ENTREP2: variants seen among roughly 807,000 people sequenced by gnomAD.
The protein encoded by ENTREP2 is endosomal transmembrane epsin interactor 2, also known as protein ENTREP2.
the ENTREP2 span, among the ~76,000 whole-genome samples, chr15:29,645,942 T>C: frequency 3.3e-5 from 5 of 152,120 alleles, no homozygotes; most frequent in Admixed American, 2.0e-4. Flanking sequence ...GAATAAGACA[T>C]GATTTATTTC....
chr15:29,599,699 C>A, the ENTREP2 span, among the ~76,000 whole-genome samples: 1 of 152,208 alleles, frequency 6.6e-6, no homozygotes, highest in Non-Finnish European at 1.5e-5. Context: ...TACAAACTGG[C>A]AGCCAGATCA....
chr15:29,447,921 C>G, the ENTREP2 span, among the ~76,000 whole-genome samples: 1 of 151,954 alleles, frequency 6.6e-6, no homozygotes. Flanking sequence ...AAAAAATTAG[C>G]TGGGCGTGGT....
chr15:29,460,354 G>T, the ENTREP2 span, among the ~76,000 whole-genome samples: 2 of 152,272 alleles, frequency 1.3e-5, no homozygotes, highest in Middle Eastern at 6.8e-3. Context: ...TGTCTGCCTG[G>T]GTGCGGTGGC....
At chr15:29,286,641 C>T in the ENTREP2 span, among the ~76,000 whole-genome samples, 2 of 152,306 alleles carry the variant, frequency 1.3e-5, no homozygotes, top group Non-Finnish European at 2.9e-5. Flanking sequence ...CCTCTGGCCA[C>T]GGTCCCCACT....
chr15:29,583,078 A>ATT, the ENTREP2 span, among the ~76,000 whole-genome samples: 1 of 152,248 alleles, frequency 6.6e-6, no homozygotes, highest in Non-Finnish European at 1.5e-5. Flanking sequence ...AAAAGAAGAT[A>ATT]TTTTGGGGGA....
chr15:29,254,213 G>GCACACT, the ENTREP2 span, among the ~76,000 whole-genome samples: 3 of 130,424 alleles, frequency 2.3e-5, no homozygotes, highest in Non-Finnish European at 4.8e-5. Flanking sequence ...TCTGTCTAAT[G>GCACACT]CACACTTCAG....
At chr15:29,388,536 A>G in the ENTREP2 span, among the ~76,000 whole-genome samples, 1 of 152,214 alleles carries the variant, frequency 6.6e-6, no homozygotes, top group Admixed American at 6.5e-5. Flanking sequence ...AACTAGTTCA[A>G]CCATTGTGGA....
At chr15:29,358,085 C>T in the ENTREP2 span, among the ~76,000 whole-genome samples, 81 of 152,204 alleles carry the variant, frequency 5.3e-4, no homozygotes, top group Middle Eastern at 3.4e-3. Flanking sequence ...AAGTGAGTGC[C>T]CTGGAGGAAC....
the ENTREP2 span, among the ~76,000 whole-genome samples, chr15:29,436,053 A>G: frequency 6.6e-6 from 1 of 152,190 alleles, no homozygotes. Context: ...CAGGTGTACA[A>G]GGAATGATCC....
the ENTREP2 span, chr15:29,269,792 C>T: frequency 8.0e-7 from 1 of 1,257,300 alleles, no homozygotes. Flanking sequence ...AACGCCGGTG[C>T]CTGGAGGCGC....
chr15:29,443,250 T>TA, the ENTREP2 span, among the ~76,000 whole-genome samples: 7 of 152,164 alleles, frequency 4.6e-5, no homozygotes, highest in African/African-American at 1.7e-4. Flanking sequence ...GGAGGGGCCC[T>TA]ACAGCACCAC....
At chr15:29,566,527 G>A in the ENTREP2 span, among the ~76,000 whole-genome samples, 1 of 150,202 alleles carries the variant, frequency 6.7e-6, no homozygotes, top group Non-Finnish European at 1.5e-5. Flanking sequence ...AGTGATCTTG[G>A]CTCACTGCAA....
At chr15:29,515,886 C>T in the ENTREP2 span, among the ~76,000 whole-genome samples, 1 of 152,086 alleles carries the variant, frequency 6.6e-6, no homozygotes, top group Non-Finnish European at 1.5e-5. Context: ...ATGTTCTATA[C>T]CTATGCCGTC....
At chr15:29,443,730 A>G in the ENTREP2 span, among the ~76,000 whole-genome samples, 1 of 151,980 alleles carries the variant, frequency 6.6e-6, no homozygotes, top group Non-Finnish European at 1.5e-5. Flanking sequence ...AGGAGGGGAA[A>G]AGGAGAGAGG....
the ENTREP2 span, among the ~76,000 whole-genome samples, chr15:29,235,593 A>G: frequency 1.3e-5 from 2 of 152,230 alleles, no homozygotes; most frequent in South Asian, 4.1e-4. Context: ...TGAGAGGGAA[A>G]TTTATAGCAC....
At chr15:29,329,577 G>T in the ENTREP2 span, among the ~76,000 whole-genome samples, 2 of 152,066 alleles carry the variant, frequency 1.3e-5, no homozygotes, top group Non-Finnish European at 2.9e-5. Flanking sequence ...CTGAGATTTT[G>T]GTTTCTAATG....
the ENTREP2 span, among the ~76,000 whole-genome samples, chr15:29,601,969 C>T: frequency 1.3e-5 from 2 of 152,192 alleles, no homozygotes; most frequent in Non-Finnish European, 2.9e-5. Flanking sequence ...GATTTGTGGA[C>T]TGAAGAGCTA....
chr15:29,290,796 T>G, the ENTREP2 span, among the ~76,000 whole-genome samples: 42 of 152,328 alleles, frequency 2.8e-4, 1 homozygote, highest in East Asian at 6.0e-3. Context: ...TAGAAAGGAC[T>G]CTTGCAGCTC....
chr15:29,514,009 A>G, the ENTREP2 span, among the ~76,000 whole-genome samples: 1 of 152,192 alleles, frequency 6.6e-6, no homozygotes, highest in Non-Finnish European at 1.5e-5. Context: ...GCTCCGGGGG[A>G]AAAACAGAGC....
Sources: allele counts gnomAD v4.1 joint callset (sites outside exome capture counted in the v4.1 genomes callset), GRCh38; gene constraint gnomAD v4.1.1; transcripts MANE v1.5; gene names NCBI Gene and HGNC (gene_info 2026-07-23, HGNC 2026-07-21).